The following CHST9 variants were observed in gnomAD, a reference collection of about 807,000 sequenced individuals.
CHST9 encodes carbohydrate sulfotransferase 9.
In CHST9, 41 loss-of-function variants were observed where a neutral mutation model predicts 44.4. The observed-to-expected ratio is 0.92, with a 90% CI of 0.72 to 1.20. The LOEUF (loss-of-function observed/expected upper bound fraction) is 1.20, where lower values mean the gene tolerates loss of function less well. Among genes scored for constraint, CHST9 ranks in the 50% most tolerant of loss-of-function variants. CHST9 has a pLI of 0.00. For synonymous variants in CHST9, 171 were observed against 178.4 expected (o/e 0.96, Z 0.33); for missense variants, 504 against 516.5 (o/e 0.98, Z 0.23).
intron 1 of CHST9, among the ~76,000 whole-genome samples, chr18:27,170,730 A>C (rs1412863158): frequency 6.6e-6 from 1 of 152,218 alleles, no homozygotes; most frequent in Non-Finnish European, 1.5e-5. Flanking sequence ...CAAAAATACA[A>C]AGTATAAAAA....
At chr18:27,060,323 G>C (rs529001297) in intron 2 of CHST9, among the ~76,000 whole-genome samples, 1 of 152,298 alleles carries the variant, frequency 6.6e-6, no homozygotes, top group East Asian at 1.9e-4. Flanking sequence ...AGACACTCCA[G>C]GAGTGAAGAG....
intron 4 of CHST9, among the ~76,000 whole-genome samples, chr18:27,017,222 C>T (rs569905084): frequency 3.3e-5 from 5 of 152,234 alleles, no homozygotes; most frequent in South Asian, 4.1e-4. Flanking sequence ...TTCAACATAA[C>T]GATATTTCTG....
chr18:27,006,104 G>A (rs2057012736), intron 4 of CHST9, among the ~76,000 whole-genome samples: 2 of 152,156 alleles, frequency 1.3e-5, no homozygotes, highest in South Asian at 4.1e-4. Flanking sequence ...TACAGAGCTA[G>A]TTAAAAGGAA....
chr18:27,094,176 A>C (rs2058094965), intron 2 of CHST9, among the ~76,000 whole-genome samples: 1 of 152,224 alleles, frequency 6.6e-6, no homozygotes, highest in African/African-American at 2.4e-5. Flanking sequence ...AGACAACAGA[A>C]TGAACTGGGG....
At chr18:27,105,886 G>A (rs1448756605) in intron 2 of CHST9, among the ~76,000 whole-genome samples, 2 of 152,070 alleles carry the variant, frequency 1.3e-5, no homozygotes, top group African/African-American at 2.4e-5. Context: ...AAGGTAATAA[G>A]GATGAAGTAT....
intron 5 of CHST9, among the ~76,000 whole-genome samples, chr18:26,939,684 C>T (rs1412250551): frequency 6.6e-6 from 1 of 152,100 alleles, no homozygotes; most frequent in East Asian, 1.9e-4. Flanking sequence ...CCCTGCTGTC[C>T]CTCAAGGCCA....
intron 2 of CHST9, among the ~76,000 whole-genome samples, chr18:27,075,147 G>T (rs543532866): frequency 4.1e-5 from 6 of 146,404 alleles, no homozygotes; most frequent in Middle Eastern, 3.6e-3. Context: ...GGTTTTGGGG[G>T]TTGCTTTTTT....
intron 1 of CHST9, among the ~76,000 whole-genome samples, chr18:27,144,112 G>A (rs991288909): frequency 6.6e-6 from 1 of 152,148 alleles, no homozygotes; most frequent in African/African-American, 2.4e-5. Context: ...ATCTAACGCT[G>A]GCCAGAAACC....
At chr18:26,949,815 G>A (rs2056219076) in intron 4 of CHST9, among the ~76,000 whole-genome samples, 1 of 152,190 alleles carries the variant, frequency 6.6e-6, no homozygotes, top group Non-Finnish European at 1.5e-5. Flanking sequence ...TAATAAAGGG[G>A]CAGGAGAGTT....
intron 5 of CHST9, among the ~76,000 whole-genome samples, chr18:26,926,269 A>G (rs1338663433): frequency 1.3e-5 from 2 of 152,240 alleles, no homozygotes; most frequent in Non-Finnish European, 2.9e-5. Context: ...GGATTCAAGG[A>G]TTGAAACTAT....
chr18:27,074,486 A>C (rs2143657573), intron 2 of CHST9, among the ~76,000 whole-genome samples: 1 of 152,300 alleles, frequency 6.6e-6, no homozygotes, highest in Non-Finnish European at 1.5e-5. Flanking sequence ...TATAGAGTTA[A>C]ATAAAATGGA....
chr18:26,998,738 A>AC (rs1491251942), intron 4 of CHST9, among the ~76,000 whole-genome samples: 1 of 112,010 alleles, frequency 8.9e-6, no homozygotes, highest in Admixed American at 9.2e-5. Flanking sequence ...AACAACAACA[A>AC]CAAAAAAAAA....
chr18:27,130,524 T>C (rs1434100649), intron 2 of CHST9, among the ~76,000 whole-genome samples: 1 of 152,222 alleles, frequency 6.6e-6, no homozygotes. Flanking sequence ...TTTGGATTCA[T>C]GTGAGCCGAG....
At chr18:27,049,170 G>C (rs2057537452) in intron 2 of CHST9, among the ~76,000 whole-genome samples, 1 of 152,110 alleles carries the variant, frequency 6.6e-6, no homozygotes, top group South Asian at 2.1e-4. Flanking sequence ...GCAATGAAAG[G>C]GTGGACTGAG....
intron 4 of CHST9, among the ~76,000 whole-genome samples, chr18:26,989,017 GT>G (rs1417466657): frequency 6.6e-6 from 1 of 151,964 alleles, no homozygotes; most frequent in Non-Finnish European, 1.5e-5. Flanking sequence ...GAATTTTATA[GT>G]GCTTAACACC....
At chr18:27,015,894 A>G (rs1239478428) in intron 4 of CHST9, among the ~76,000 whole-genome samples, 2 of 152,166 alleles carry the variant, frequency 1.3e-5, no homozygotes, top group Admixed American at 6.5e-5. Context: ...TAATTTCAAG[A>G]CTTTGCTTCA....
chr18:27,167,670 A>T (rs1340304532), intron 1 of CHST9, among the ~76,000 whole-genome samples: 3 of 152,230 alleles, frequency 2.0e-5, no homozygotes, highest in Non-Finnish European at 4.4e-5. Flanking sequence ...TATGATTATA[A>T]AGTGTGACAA....
intron 4 of CHST9, among the ~76,000 whole-genome samples, chr18:26,990,934 G>T (rs2056809253): frequency 6.6e-6 from 1 of 152,146 alleles, no homozygotes; most frequent in Non-Finnish European, 1.5e-5. Flanking sequence ...CCCCAGCGTG[G>T]CTGGAATGGA....
At position 27,132,501 on chromosome 18, in the gene CHST9, G is replaced by T. The variant is rs183020033; in HGVS notation, c.121+10188C>A. Among the ~76,000 whole-genome samples, 5 of 152,276 alleles carry T rather than the reference G, an allele frequency of 3.3e-5. No homozygotes were observed. The East Asian group carries it at 9.7e-4, about 29-fold the overall frequency. ...TAGCTTAGGTGCTTAGTTTTGGGGT[G>T]AATTCACTCATACAGCAAAGACTTA... is the stretch of plus-strand genomic sequence containing the variant. On this transcript the variant is annotated intron_variant, in intron 2 of 5. Coordinates refer to ENST00000618847, the MANE Select transcript of CHST9 (RefSeq NM_031422.6).
Sources: gnomAD v4.1 joint callset for allele counts (sites outside exome capture counted in the v4.1 genomes callset) on GRCh38, gnomAD v4.1.1 for gene constraint, MANE v1.5 for transcripts, NCBI Gene and HGNC (gene_info 2026-07-23, HGNC 2026-07-21) for gene names.